Variants in YARS1 observed in about 807,000 individuals in gnomAD.
YARS1 encodes the protein tyrosine--tRNA ligase, cytoplasmic.
Under a neutral mutation model 62.2 loss-of-function variants are expected in YARS1, and 36 were observed. That is an observed-to-expected ratio of 0.58 (90% CI 0.44 to 0.76). The LOEUF is 0.76. Among genes scored for constraint, YARS1 ranks in the 30% least tolerant of loss-of-function variants. The pLI is 0.00. For missense variants in YARS1, 524 were observed against 639.8 expected, an observed-to-expected ratio of 0.82 and a Z score of 1.95; for synonymous variants, 234 against 244.9, an observed-to-expected ratio of 0.96 and a Z score of 0.42.
rs1652837170 is a variant in YARS1 at position 32,775,831 on chromosome 1, G to A, written c.*150C>T. The A allele has an allele frequency of 1.4e-6, 1 of 727,702 alleles. No individual in the cohort carries two copies. Among genetic ancestry groups the A allele is most frequent in the Non-Finnish European group, 2.4e-6 (1 of 422,346 alleles). 45.1% of individuals were successfully genotyped at this position (727,702 alleles called of 1,614,324 possible). On this transcript the variant is annotated 3_prime_UTR_variant, in exon 13 of 13. Transcript: ENST00000373477. ...TGATCCTGGGTTCTGGGGAGGGTAA[G>A]CTGCCCCTTGCCGAGTTCTGCACCG... is the stretch of plus-strand genomic sequence containing the variant.
At chr1:32,791,064 T>G (rs996199137) in intron 6 of YARS1, 98 bp downstream of exon 6, 2 of 1,140,502 alleles carry the variant, frequency 1.8e-6, no homozygotes, top group Non-Finnish European at 2.7e-6. Context: ...ACTCAAATAT[T>G]GGAGAATTCT....
At chr1:32,781,405 T>C in intron 9 of YARS1, 1 of 486,376 alleles carries the variant, frequency 2.1e-6, no homozygotes. Flanking sequence ...GTATTTCCAT[T>C]CATGCATTCC....
intron 10 of YARS1, 51 bp downstream of exon 10, chr1:32,780,997 G>A: frequency 6.4e-7 from 1 of 1,569,134 alleles, no homozygotes; most frequent in Non-Finnish European, 8.8e-7. Context: ...GATGGAAACA[G>A]ACAAACCTGA....
intron 4 of YARS1, 109 bp from the exon 5 acceptor site, chr1:32,797,952 C>A (rs1254092464): frequency 4.2e-5 from 37 of 880,542 alleles, no homozygotes; most frequent in Non-Finnish European, 6.7e-5. Context: ...CTCACTGCCA[C>A]CTCTGCCTCT....
intron 4 of YARS1, among the ~76,000 whole-genome samples, chr1:32,802,093 G>A (rs1465496243): frequency 2.7e-5 from 4 of 150,640 alleles, no homozygotes; most frequent in Admixed American, 2.0e-4. Context: ...GACTACAGGC[G>A]CCCGCCACTA....
At chr1:32,780,984 C>T (rs1653034449) in intron 10 of YARS1, 64 bp downstream of exon 10, 3 of 1,487,876 alleles carry the variant, frequency 2.0e-6, no homozygotes, top group South Asian at 1.1e-5. Context: ...CACGTTTCCT[C>T]CGGATGGAAA....
At position 32,799,968 on chromosome 1, in the gene YARS1, G is replaced by A. The variant is rs541875238; in HGVS notation, c.511-2125C>T. On this transcript the variant is annotated intron_variant, in intron 4 of 12. Transcript: ENST00000373477. ...ACCATGGCGCCCAGCCAACAGTGCAGAACTAGCATGTCTCCGGGTTTTCTT... is the reference window on the plus strand; with the variant it reads ...ACCATGGCGCCCAGCCAACAGTGCAAAACTAGCATGTCTCCGGGTTTTCTT... 3.9e-5 allele frequency among the ~76,000 whole-genome samples: 6 copies of A among 151,906 alleles called. No individual in the cohort carries two copies. In the South Asian group the frequency reaches 1.2e-3, roughly 32 times the overall value.
Position 32,811,198 on chromosome 1 carries a change from G to C in YARS1, c.58-141C>G, listed in dbSNP as rs1040332339. 2.4e-6 allele frequency: 3 copies of C among 1,235,624 alleles called. No homozygotes were observed. The African/African-American group carries it at 4.5e-5, about 18-fold the overall frequency. The allele number at this position is 1,235,624 out of a possible 1,614,324, so 76.5% of individuals were successfully genotyped here. A position where few individuals can be genotyped will look rare whatever the true frequency, so the allele number is the denominator to read the frequency against. Reference sequence around the variant, plus strand: ...AAGGAGGTCCAGCCATGTTCTCAGTGCAGATGTGATACCCTACCTTGTTTT... The same window carrying C: ...AAGGAGGTCCAGCCATGTTCTCAGTCCAGATGTGATACCCTACCTTGTTTT... On this transcript the variant is annotated intron_variant, in intron 1 of 12. Coordinates refer to ENST00000373477, the MANE Select transcript of YARS1 (RefSeq NM_003680.4).
At position 32,782,434 on chromosome 1, in the gene YARS1, T is replaced by C. The variant is rs763921769; in HGVS notation, c.1012A>G (p.Ser338Gly). The C allele has an allele frequency of 1.2e-5, 20 of 1,613,932 alleles. No homozygotes were observed. The highest frequency in any genetic ancestry group is 1.6e-4 in the Middle Eastern group (1 of 6,080). The change falls in exon 9 of 13, where the codon AGC becomes GGC. Residue 338 changes from serine (S) to glycine (G), a missense_variant. Ser to Gly is a moderately conservative substitution (Grantham distance 56). Transcript: ENST00000373477. ...FNTPALKKLASAAYPDPSKQK... is the reference protein window; with the variant it reads ...FNTPALKKLAGAAYPDPSKQK... Reference sequence around the variant, plus strand: ...TTTGAGGGATCTGGGTAGGCAGCGCTGGCCAGTTTTTTCAGGGCAGGGGTA... The same window carrying C: ...TTTGAGGGATCTGGGTAGGCAGCGCCGGCCAGTTTTTTCAGGGCAGGGGTA...
intron 5 of YARS1, 100 bp downstream of exon 5, chr1:32,797,663 C>T: frequency 9.8e-7 from 1 of 1,025,402 alleles, no homozygotes; most frequent in Non-Finnish European, 1.5e-6. Context: ...GAATATTTAC[C>T]ATACACTATG....
Position 32,786,944 on chromosome 1 carries a change from C to A in YARS1, c.816G>T (p.Lys272Asn). 1 of 1,614,002 alleles carries A rather than the reference C, an allele frequency of 6.2e-7. No homozygotes were observed. Among genetic ancestry groups the A allele is most frequent in the Non-Finnish European group, 8.5e-7 (1 of 1,179,980 alleles). Residue 272 changes from lysine to asparagine, a missense_variant, in exon 7 of 13, where the codon AAG (lysine) becomes AAT (asparagine). Lys to Asn is a moderately conservative substitution (Grantham distance 94). Coordinates refer to ENST00000373477, the MANE Select transcript of YARS1 (RefSeq NM_003680.4). Reference sequence around the variant, plus strand: ...GAAGAAAACAGAGAGTGTTACCGGACTTAAGGGGAAAAAGGACATGCTTGA... The same window carrying A: ...GAAGAAAACAGAGAGTGTTACCGGAATTAAGGGGAAAAAGGACATGCTTGA... ...SFIKHVLFPL[K>N]SEFVILRDEK...
intron 9 of YARS1, 51 bp downstream of exon 9, chr1:32,782,353 T>C (rs561400916): frequency 2.5e-6 from 4 of 1,613,720 alleles, no homozygotes; most frequent in Admixed American, 1.7e-5. Context: ...CCAAGGCTCA[T>C]TGACAAGCTC....
chr1:32,805,244 AGG>A (rs1304015072), intron 4 of YARS1, among the ~76,000 whole-genome samples: 3 of 9,846 alleles, frequency 3.0e-4, no homozygotes, highest in Non-Finnish European at 6.3e-4. Flanking sequence ...AGAGGGGGAG[AGG>A]GGGAGAGGGG....
intron 9 of YARS1, chr1:32,782,130 C>G (rs1184102198): frequency 2.0e-6 from 1 of 493,106 alleles, no homozygotes; most frequent in Non-Finnish European, 3.7e-6. Context: ...AATGAAGAGG[C>G]AGATTTAACA....
intron 8 of YARS1, among the ~76,000 whole-genome samples, chr1:32,784,964 CTT>C (rs566585637): frequency 5.3e-4 from 80 of 152,250 alleles, no homozygotes; most frequent in African/African-American, 1.5e-3. Flanking sequence ...ATAATTATCT[CTT>C]GTTTTTGAAT....
In YARS1 at chr1:32,786,620, A is replaced by G; in HGVS notation, c.821-173T>C. 4 of 751,362 alleles carry G rather than the reference A, an allele frequency of 5.3e-6. No homozygotes were observed. The South Asian group carries it at 6.2e-5, about 12-fold the overall frequency. 46.5% of individuals were successfully genotyped at this position (751,362 alleles called of 1,614,324 possible). A position where few individuals can be genotyped will look rare whatever the true frequency, so the allele number is the denominator to read the frequency against. On this transcript the variant is annotated intron_variant, in intron 7 of 12. Coordinates refer to ENST00000373477, the MANE Select transcript of YARS1 (RefSeq NM_003680.4). ...GAGTGGCACTATTGTATACCCAGCT[A>G]GCATCTCAGCTGCTTCAGGGGAAGG...
chr1:32,781,282 C>G (rs1318555983), intron 9 of YARS1, 137 bp from the exon 10 acceptor site: 1 of 756,278 alleles, frequency 1.3e-6, no homozygotes, highest in Non-Finnish European at 2.3e-6. Context: ...GTTGTAACTT[C>G]TTTAATACTG....
chr1:32,788,282 GCT>G (rs1333171519), intron 6 of YARS1, among the ~76,000 whole-genome samples: 2 of 151,852 alleles, frequency 1.3e-5, no homozygotes, highest in African/African-American at 2.4e-5. Context: ...AGATGGTCTC[GCT>G]CTGTTGCTCA....
At chr1:32,803,749 T>TA (rs1305820480) in intron 4 of YARS1, among the ~76,000 whole-genome samples, 1 of 152,172 alleles carries the variant, frequency 6.6e-6, no homozygotes, top group Admixed American at 6.5e-5. Flanking sequence ...TTTTTTTTTT[T>TA]AATAGTATTT....
Sources: gnomAD v4.1 joint callset for allele counts (sites outside exome capture counted in the v4.1 genomes callset) on GRCh38, gnomAD v4.1.1 for gene constraint, MANE v1.5 for transcripts, NCBI Gene and HGNC (gene_info 2026-07-23, HGNC 2026-07-21) for gene names.